The following LHFPL3 variants were observed in gnomAD, a reference collection of about 807,000 sequenced individuals.
LHFPL3 encodes LHFPL tetraspan subfamily member 3 protein.
In LHFPL3, 5 loss-of-function variants were observed where a neutral mutation model predicts 19.3. The ratio of observed to expected loss-of-function variants is 0.26; its 90% confidence interval spans 0.14 to 0.54. The LOEUF (loss-of-function observed/expected upper bound fraction) is 0.54. LHFPL3 is among the 20% of genes least tolerant of loss of function. LHFPL3 has a pLI of 0.94. For synonymous variants in LHFPL3, 133 were observed against 126.2 expected, an observed-to-expected ratio of 1.05 and a Z score of -0.36; for missense variants, 249 against 307.4, an observed-to-expected ratio of 0.81 and a Z score of 1.42.
At chr7:104,635,003 AG>A (rs1290328188) in intron 1 of LHFPL3, among the ~76,000 whole-genome samples, 1 of 152,214 alleles carries the variant, frequency 6.6e-6, no homozygotes, top group Admixed American at 6.5e-5. Flanking sequence ...TAAAATGCTC[AG>A]AAAAGTAAAA....
intron 1 of LHFPL3, among the ~76,000 whole-genome samples, chr7:104,469,764 T>C (rs1388607863): frequency 6.6e-6 from 1 of 152,148 alleles, no homozygotes; most frequent in Non-Finnish European, 1.5e-5. Flanking sequence ...AAAATGGTTA[T>C]CAGAGAAACT....
intron 1 of LHFPL3, among the ~76,000 whole-genome samples, chr7:104,366,111 T>C (rs1219950632): frequency 6.6e-6 from 1 of 152,178 alleles, no homozygotes; most frequent in Non-Finnish European, 1.5e-5. Flanking sequence ...TGAAGTTTCC[T>C]GTGGTCTCTT....
intron 1 of LHFPL3, among the ~76,000 whole-genome samples, chr7:104,384,787 CAAAAAAAA>C (rs771136918): frequency 1.3e-5 from 1 of 74,576 alleles, no homozygotes; most frequent in Non-Finnish European, 2.6e-5. Context: ...AACTCTATTT[CAAAAAAAA>C]AAAAAAAAAA....
intron 1 of LHFPL3, among the ~76,000 whole-genome samples, chr7:104,498,776 C>T (rs990497297): frequency 2.0e-5 from 3 of 152,112 alleles, no homozygotes; most frequent in African/African-American, 4.8e-5. Flanking sequence ...CAGCGCCTAG[C>T]CAGAAACAGT....
At position 104,907,377 on chromosome 7, in the gene LHFPL3, T is replaced by C. The variant is rs1404957496; in HGVS notation, c.*1162T>C. ...TGAAAAAAACTCGGTAGGAATAAGT[T>C]ACCTTTTTGTTTACTAATGTTGGTT... is the stretch of plus-strand genomic sequence containing the variant. On this transcript the variant is annotated 3_prime_UTR_variant, in exon 3 of 3. Transcript: ENST00000424859. 1 of 152,174 alleles carries C rather than the reference T, an allele frequency of 6.6e-6. No individual in the cohort carries two copies. The highest frequency in any genetic ancestry group is 2.4e-5 in the African/African-American group (1 of 41,448). The allele number at this position is 152,174 out of a possible 1,614,324, so 9.4% of individuals were successfully genotyped here. A position where few individuals can be genotyped will look rare whatever the true frequency, so the allele number is the denominator to read the frequency against.
intron 2 of LHFPL3, among the ~76,000 whole-genome samples, chr7:104,854,854 C>G (rs536123906): frequency 6.6e-6 from 1 of 152,116 alleles, no homozygotes; most frequent in Non-Finnish European, 1.5e-5. Flanking sequence ...GGCCCTTCCT[C>G]CCAGGTCAAA....
chr7:104,523,074 CAT>C (rs1465518954), intron 1 of LHFPL3, among the ~76,000 whole-genome samples: 1 of 142,844 alleles, frequency 7.0e-6, no homozygotes, highest in Non-Finnish European at 1.5e-5. Flanking sequence ...TATATATACA[CAT>C]ATGCATGTTA....
At chr7:104,556,058 C>A (rs1019091007) in intron 1 of LHFPL3, among the ~76,000 whole-genome samples, 1 of 152,198 alleles carries the variant, frequency 6.6e-6, no homozygotes, top group African/African-American at 2.4e-5. Context: ...CAGATCTGCC[C>A]CTGTGGCTTT....
intron 1 of LHFPL3, among the ~76,000 whole-genome samples, chr7:104,420,254 A>AC (rs1430714357): frequency 2.6e-5 from 4 of 152,136 alleles, no homozygotes; most frequent in African/African-American, 9.7e-5. Context: ...AGTAGTGGAG[A>AC]CCCGCCTACT....
intron 1 of LHFPL3, among the ~76,000 whole-genome samples, chr7:104,556,402 C>A (rs562874626): frequency 6.6e-6 from 1 of 152,248 alleles, no homozygotes; most frequent in African/African-American, 2.4e-5. Context: ...TGTGCACCCA[C>A]AGGCTCAATA....
chr7:104,468,351 AT>A (rs1281627557), intron 1 of LHFPL3, among the ~76,000 whole-genome samples: 1 of 152,216 alleles, frequency 6.6e-6, no homozygotes. Context: ...TAGAAATGCG[AT>A]TTTTAATTTC....
Position 104,628,002 on chromosome 7 carries a change from C to T in LHFPL3, c.446-108673C>T, listed in dbSNP as rs564667385. Among the ~76,000 whole-genome samples, 5 of 152,282 alleles carry T rather than the reference C, an allele frequency of 3.3e-5. No homozygotes were observed. The East Asian group carries it at 7.7e-4, about 23-fold the overall frequency. ...TAAATATGAATTATCTGAACCAGAT[C>T]TCTATAATCATTAAATGTGATAAAT... On this transcript the variant is annotated intron_variant, in intron 1 of 2. Coordinates refer to ENST00000424859, the MANE Select transcript of LHFPL3 (RefSeq NM_199000.3).
chr7:104,744,435 A>G (rs961875773), intron 2 of LHFPL3, among the ~76,000 whole-genome samples: 2 of 152,244 alleles, frequency 1.3e-5, no homozygotes, highest in African/African-American at 4.8e-5. Context: ...TGTGTTTAAC[A>G]AAGTCCTTGT....
chr7:104,701,573 G>A (rs1793102102), intron 1 of LHFPL3, among the ~76,000 whole-genome samples: 1 of 152,196 alleles, frequency 6.6e-6, no homozygotes, highest in South Asian at 2.1e-4. Context: ...TTCACACCGA[G>A]TAGGCTGAAG....
At chr7:104,432,092 G>A (rs1381678284) in intron 1 of LHFPL3, among the ~76,000 whole-genome samples, 1 of 152,208 alleles carries the variant, frequency 6.6e-6, no homozygotes, top group South Asian at 2.1e-4. Context: ...CTAGCGTGAA[G>A]TTTAAATGCT....
At chr7:104,465,664 C>T (rs962475764) in intron 1 of LHFPL3, among the ~76,000 whole-genome samples, 1 of 152,176 alleles carries the variant, frequency 6.6e-6, no homozygotes, top group Non-Finnish European at 1.5e-5. Flanking sequence ...CTTGTGAGAA[C>T]TCACTCACTA....
intron 1 of LHFPL3, among the ~76,000 whole-genome samples, chr7:104,514,800 C>G (rs1446483602): frequency 6.6e-6 from 1 of 152,170 alleles, no homozygotes; most frequent in Non-Finnish European, 1.5e-5. Flanking sequence ...TTTAAATTCT[C>G]TAGGGTGATT....
intron 1 of LHFPL3, among the ~76,000 whole-genome samples, chr7:104,374,204 A>G (rs1447522918): frequency 7.1e-6 from 1 of 140,886 alleles, no homozygotes; most frequent in Non-Finnish European, 1.5e-5. Context: ...CTATCTATCT[A>G]TATATGTGTG....
chr7:104,486,101 T>A (rs1266691929), intron 1 of LHFPL3, among the ~76,000 whole-genome samples: 1 of 152,230 alleles, frequency 6.6e-6, no homozygotes, highest in African/African-American at 2.4e-5. Context: ...TCATGTAGTT[T>A]GAGCAGATGT....
Sources: gnomAD v4.1 joint callset for allele counts (sites outside exome capture counted in the v4.1 genomes callset) on GRCh38, gnomAD v4.1.1 for gene constraint, MANE v1.5 for transcripts, NCBI Gene and HGNC (gene_info 2026-07-23, HGNC 2026-07-21) for gene names.